DNAJC5B: variants seen among roughly 807,000 people sequenced by gnomAD.
DNAJC5B encodes the protein DnaJ heat shock protein family (Hsp40) member C5 beta.
A neutral mutation model predicts 24.7 loss-of-function variants in DNAJC5B; 23 were observed. The ratio of observed to expected loss-of-function variants is 0.93; its 90% CI spans 0.67 to 1.32. The LOEUF is 1.32. Ranked by LOEUF, DNAJC5B falls within the 40% of genes most tolerant of loss-of-function variation. The pLI is 0.00. For synonymous variants in DNAJC5B, 101 were observed against 90.1 expected (o/e 1.12, Z -0.68); for missense variants, 238 against 240.8 (o/e 0.99, Z 0.08).
At chr8:66,060,324 G>A (rs1807053773) in intron 3 of DNAJC5B, among the ~76,000 whole-genome samples, 1 of 152,166 alleles carries the variant, frequency 6.6e-6, no homozygotes, top group African/African-American at 2.4e-5. Context: ...ACTAAGAGAG[G>A]TTTGTGTCAG....
chr8:66,086,175 T>G (rs1295827106), intron 5 of DNAJC5B, among the ~76,000 whole-genome samples: 1 of 152,180 alleles, frequency 6.6e-6, no homozygotes, highest in African/African-American at 2.4e-5. Flanking sequence ...GTTTGGATTT[T>G]TGTGTGTGTG....
rs111504593 is a variant in DNAJC5B, at chr8:66,100,043, CAG to C, written c.*17_*18del. 6.6e-5 allele frequency: 106 copies of C among 1,611,520 alleles called. 1 individual carries two copies. In the African/African-American group the frequency reaches 1.1e-3, roughly 17 times the overall value. ...GCACAGACTCTTGATATTGAGCCCT[CAG>C]AGAGTCCACAGTCCCTCCTCTCAGT... is the stretch of plus-strand genomic sequence containing the variant. On this transcript the variant is annotated 3_prime_UTR_variant, in exon 6 of 6. Coordinates refer to ENST00000276570, the MANE Select transcript of DNAJC5B (RefSeq NM_033105.6).
At position 66,076,789 on chromosome 8, in the gene DNAJC5B, C is replaced by A; in HGVS notation, c.249C>A (p.Tyr83Ter). 1.2e-6 allele frequency: 2 copies of A among 1,614,174 alleles called. No individual in the cohort carries two copies. Among genetic ancestry groups the A allele is most frequent in the Non-Finnish European group, 1.7e-6 (2 of 1,180,028 alleles). Residue 83 changes from tyrosine (Y) to a stop codon, truncating the protein, a stop_gained, in exon 4 of 6, where the codon TAC becomes TAA. Coordinates refer to ENST00000276570, the MANE Select transcript of DNAJC5B (RefSeq NM_033105.6). LOFTEE classifies it high-confidence loss of function. ...CAAAGAGAAGCATATACGACAAGTACGGATCGCTGGGACTCTACGTGGCCG... is the reference window on the plus strand; with the variant it reads ...CAAAGAGAAGCATATACGACAAGTAAGGATCGCTGGGACTCTACGTGGCCG... Reference protein sequence around the residue: ...DISKRSIYDKYGSLGLYVAEQ... With the variant: ...DISKRSIYDK
intron 5 of DNAJC5B, among the ~76,000 whole-genome samples, chr8:66,091,456 T>C (rs1302858729): frequency 6.6e-6 from 1 of 152,120 alleles, no homozygotes; most frequent in African/African-American, 2.4e-5. Context: ...CCAATCTTAG[T>C]ACAAGCAAAG....
At chr8:66,046,705 G>C (rs1266638531) in intron 2 of DNAJC5B, among the ~76,000 whole-genome samples, 6 of 152,228 alleles carry the variant, frequency 3.9e-5, no homozygotes, top group Non-Finnish European at 7.3e-5. Flanking sequence ...CAGGCTGCTT[G>C]TCTTCTAAAG....
chr8:66,033,449 A>T (rs1239973023), intron 1 of DNAJC5B, among the ~76,000 whole-genome samples: 1 of 152,198 alleles, frequency 6.6e-6, no homozygotes, highest in Non-Finnish European at 1.5e-5. Flanking sequence ...GCTTTGGCTC[A>T]TATTATGTGT....
chr8:66,061,314 G>A (rs1033850296), intron 3 of DNAJC5B, among the ~76,000 whole-genome samples: 105 of 152,190 alleles, frequency 6.9e-4, no homozygotes, highest in African/African-American at 1.8e-3. Flanking sequence ...CAAGGTATTC[G>A]GAAAGACCTG....
chr8:66,065,325 G>T (rs1185173140), intron 3 of DNAJC5B, among the ~76,000 whole-genome samples: 1 of 152,258 alleles, frequency 6.6e-6, no homozygotes, highest in East Asian at 1.9e-4. Flanking sequence ...AAAATCATAG[G>T]ATTGTGTAAT....
At chr8:66,092,334 C>T (rs1807865033) in intron 5 of DNAJC5B, among the ~76,000 whole-genome samples, 1 of 152,142 alleles carries the variant, frequency 6.6e-6, no homozygotes, top group Non-Finnish European at 1.5e-5. Flanking sequence ...CTAAGCCAGG[C>T]ATTAACATCC....
At chr8:66,024,100 T>C (rs2128955406) in intron 1 of DNAJC5B, among the ~76,000 whole-genome samples, 2 of 152,348 alleles carry the variant, frequency 1.3e-5, no homozygotes, top group South Asian at 2.1e-4. Context: ...GGCCATTAGA[T>C]TGTTTTTTAG....
chr8:66,016,006 T>A, the DNAJC5B span, among the ~76,000 whole-genome samples: 6 of 152,138 alleles, frequency 3.9e-5, no homozygotes. Flanking sequence ...GCTGGGTCAT[T>A]TATATATAAC....
chr8:66,063,064 G>T (rs895976287), intron 3 of DNAJC5B, among the ~76,000 whole-genome samples: 1 of 152,134 alleles, frequency 6.6e-6, no homozygotes, highest in African/African-American at 2.4e-5. Flanking sequence ...ATTAGCACTT[G>T]GGTCTCTGTG....
chr8:66,076,560 C>A (rs574549553), intron 3 of DNAJC5B, 100 bp from the exon 4 acceptor site: 4 of 1,236,332 alleles, frequency 3.2e-6, no homozygotes, highest in South Asian at 1.3e-5. Flanking sequence ...ACAGTATTTG[C>A]GCTAATAAAG....
At chr8:66,028,217 C>T (rs961433027) in intron 1 of DNAJC5B, among the ~76,000 whole-genome samples, 2 of 152,176 alleles carry the variant, frequency 1.3e-5, no homozygotes, top group African/African-American at 4.8e-5. Flanking sequence ...AAACAATTTC[C>T]TAGTGAAAAT....
rs79419914 is a variant in DNAJC5B at position 66,040,813 on chromosome 8, C to T, written c.-141-2675C>T. On this transcript the variant is annotated intron_variant, in intron 1 of 5. Transcript: ENST00000276570. ...GTTATAAATAGTTCTCTCTGCTTAG[C>T]CTTCGATAATTCTATGTTTTATACA... Among the ~76,000 whole-genome samples, 316 of 152,300 alleles carry T rather than the reference C, an allele frequency of 2.1e-3. 3 individuals carry two copies. Among genetic ancestry groups the T allele is most frequent in the African/African-American group, 7.0e-3 (293 of 41,570 alleles).
chr8:66,020,503 G>T (rs575383340), upstream of DNAJC5B, among the ~76,000 whole-genome samples: 47 of 152,124 alleles, frequency 3.1e-4, no homozygotes, highest in African/African-American at 1.1e-3. Context: ...AATGAAGAAT[G>T]AAATTCCAGT....
intron 5 of DNAJC5B, 44 bp from the exon 6 acceptor site, chr8:66,099,893 T>C (rs986166672): frequency 6.4e-7 from 1 of 1,560,450 alleles, no homozygotes. Context: ...AAAAGAACTG[T>C]AACATGATGA....
intron 3 of DNAJC5B, among the ~76,000 whole-genome samples, chr8:66,064,374 A>G (rs1479191418): frequency 6.6e-6 from 1 of 152,182 alleles, no homozygotes; most frequent in Non-Finnish European, 1.5e-5. Context: ...TTAAGCCAGA[A>G]GCCGGCAGGA....
At chr8:66,028,374 G>T (rs1563584331) in intron 1 of DNAJC5B, among the ~76,000 whole-genome samples, 1 of 152,148 alleles carries the variant, frequency 6.6e-6, no homozygotes, top group African/African-American at 2.4e-5. Context: ...GGAAACACAA[G>T]GACACCAGGA....
Sources: gnomAD v4.1 joint callset for allele counts (sites outside exome capture counted in the v4.1 genomes callset) on GRCh38, gnomAD v4.1.1 for gene constraint, MANE v1.5 for transcripts, NCBI Gene and HGNC (gene_info 2026-07-23, HGNC 2026-07-21) for gene names.